The following PIK3C2G variants were observed in gnomAD, a reference collection of about 807,000 sequenced individuals.
PIK3C2G encodes the protein phosphatidylinositol 3-kinase C2 domain-containing subunit gamma.
In PIK3C2G, 168 loss-of-function variants were observed where a neutral mutation model predicts 181.1. The ratio of observed to expected loss-of-function variants is 0.93; its 90% CI spans 0.82 to 1.05. PIK3C2G has a LOEUF of 1.05. PIK3C2G is among the 50% of genes least tolerant of loss of function. The pLI is 0.00. For synonymous variants in PIK3C2G, 573 were observed against 592.2 expected, an observed-to-expected ratio of 0.97 and a Z score of 0.47; for missense variants, 1,869 against 1,732.8, an observed-to-expected ratio of 1.08 and a Z score of -1.40.
the PIK3C2G span, chr12:18,700,078 C>A: frequency 2.7e-6 from 2 of 753,536 alleles, no homozygotes; most frequent in Middle Eastern, 3.9e-4. Flanking sequence ...TCCTCAAACA[C>A]CATTTGATTA....
At chr12:18,485,342 A>G (rs1367229341) in intron 18 of PIK3C2G, among the ~76,000 whole-genome samples, 1 of 152,134 alleles carries the variant, frequency 6.6e-6, no homozygotes, top group Non-Finnish European at 1.5e-5. Flanking sequence ...ATTTTCAAGA[A>G]AAATCTCCAT....
the PIK3C2G span, among the ~76,000 whole-genome samples, chr12:18,655,747 CATG>C: frequency 4.8e-5 from 2 of 41,450 alleles, no homozygotes; most frequent in South Asian, 1.5e-3. Flanking sequence ...CCAACCTTAT[CATG>C]AAAAAAAAAA....
the PIK3C2G span, among the ~76,000 whole-genome samples, chr12:18,705,993 G>A: frequency 2.6e-5 from 4 of 152,006 alleles, no homozygotes; most frequent in African/African-American, 4.8e-5. Flanking sequence ...TTGGGAGGCC[G>A]AGGCGGGTGG....
At chr12:18,621,810 A>G (rs944477461) in intron 31 of PIK3C2G, among the ~76,000 whole-genome samples, 1 of 151,822 alleles carries the variant, frequency 6.6e-6, no homozygotes, top group Non-Finnish European at 1.5e-5. Flanking sequence ...ATGTGAAATG[A>G]AGTACGAGAC....
chr12:18,429,386 G>T (rs1251746375), intron 18 of PIK3C2G, among the ~76,000 whole-genome samples: 1 of 152,106 alleles, frequency 6.6e-6, no homozygotes, highest in Non-Finnish European at 1.5e-5. Flanking sequence ...ACTTGTTACG[G>T]CAGCCACAGG....
chr12:18,687,687 A>T, the PIK3C2G span, among the ~76,000 whole-genome samples: 1 of 152,086 alleles, frequency 6.6e-6, no homozygotes, highest in Non-Finnish European at 1.5e-5. Flanking sequence ...TTAATCTAAA[A>T]TAATTCAAAT....
the PIK3C2G span, chr12:18,696,330 A>ATATATATATATATATATG: frequency 1.8e-5 from 1 of 54,098 alleles, no homozygotes; most frequent in East Asian, 6.3e-4. Flanking sequence ...CACTATATAT[A>ATATATATATATATATATG]TATATATATA....
At chr12:18,567,735 GA>G (rs1218216113) in intron 29 of PIK3C2G, among the ~76,000 whole-genome samples, 1 of 151,972 alleles carries the variant, frequency 6.6e-6, no homozygotes, top group Non-Finnish European at 1.5e-5. Flanking sequence ...TTATGAGTGA[GA>G]AAAACCAAAA....
chr12:18,360,671 G>A (rs544296984), intron 11 of PIK3C2G, among the ~76,000 whole-genome samples: 21 of 152,022 alleles, frequency 1.4e-4, no homozygotes, highest in Non-Finnish European at 2.2e-4. Context: ...TTCTTTCAGC[G>A]TATTGAATAT....
intron 1 of PIK3C2G, among the ~76,000 whole-genome samples, chr12:18,250,590 C>T (rs1948086532): frequency 6.6e-6 from 1 of 152,008 alleles, no homozygotes; most frequent in African/African-American, 2.4e-5. Flanking sequence ...TCCAAGTTAA[C>T]TGCAATTCTA....
intron 28 of PIK3C2G, among the ~76,000 whole-genome samples, chr12:18,564,946 A>G (rs1053970623): frequency 3.3e-5 from 5 of 152,148 alleles, no homozygotes; most frequent in Admixed American, 2.0e-4. Context: ...AAATTCTAAT[A>G]ATCTATCTCA....
chr12:18,468,129 T>C (rs142413967), intron 18 of PIK3C2G, among the ~76,000 whole-genome samples: 11 of 152,118 alleles, frequency 7.2e-5, no homozygotes, highest in Admixed American at 3.9e-4. Flanking sequence ...CTGATCTCAC[T>C]TCACAAAAAT....
the PIK3C2G span, among the ~76,000 whole-genome samples, chr12:18,655,464 T>C: frequency 6.6e-6 from 1 of 152,174 alleles, no homozygotes; most frequent in South Asian, 2.1e-4. Flanking sequence ...TCCTAATTAT[T>C]TATGGAGATG....
chr12:18,424,040 G>C lies in PIK3C2G; in HGVS notation c.2504+1G>C, dbSNP rs755826153. 1 of 1,596,226 alleles carries C rather than the reference G, an allele frequency of 6.3e-7. No individual in the cohort carries two copies. The highest frequency in any genetic ancestry group is 2.2e-5 in the East Asian group (1 of 44,662). On this transcript the variant is annotated splice_donor_variant, in intron 18 of 32. Transcript: ENST00000538779. LOFTEE classifies it high-confidence loss of function. Reference sequence around the variant, plus strand: ...TCCAGGTTGCCCATCGTCTTTACTGGTAAGATTAACTAAATCAGGCAAGGA... The same window carrying C: ...TCCAGGTTGCCCATCGTCTTTACTGCTAAGATTAACTAAATCAGGCAAGGA...
chr12:18,595,751 T>C (rs540792546), intron 30 of PIK3C2G, among the ~76,000 whole-genome samples: 33 of 152,262 alleles, frequency 2.2e-4, no homozygotes, highest in African/African-American at 7.9e-4. Context: ...GATTTAATAC[T>C]CTGCTGCCAC....
chr12:18,585,835 G>T (rs568703299), intron 29 of PIK3C2G, among the ~76,000 whole-genome samples: 66 of 152,172 alleles, frequency 4.3e-4, no homozygotes, highest in African/African-American at 1.4e-3. Context: ...TAACCAGAAT[G>T]ATACCAAACA....
chr12:18,526,813 T>C (rs2136201182), intron 24 of PIK3C2G, among the ~76,000 whole-genome samples: 2 of 152,244 alleles, frequency 1.3e-5, no homozygotes, highest in South Asian at 4.1e-4. Context: ...AGAAACAAAG[T>C]TTGTTTTATC....
At chr12:18,720,206 C>T in the PIK3C2G span, among the ~76,000 whole-genome samples, 1 of 151,950 alleles carries the variant, frequency 6.6e-6, no homozygotes, top group Non-Finnish European at 1.5e-5. Context: ...TGCTCATTCC[C>T]ATTACTTTAC....
At chr12:18,423,017 G>A (rs1945575856) in intron 17 of PIK3C2G, among the ~76,000 whole-genome samples, 1 of 151,808 alleles carries the variant, frequency 6.6e-6, no homozygotes, top group Non-Finnish European at 1.5e-5. Context: ...CCATTCTTGA[G>A]GATGGCTAGC....
Sources: gnomAD v4.1 joint callset for allele counts (sites outside exome capture counted in the v4.1 genomes callset) on GRCh38, gnomAD v4.1.1 for gene constraint, MANE v1.5 for transcripts, NCBI Gene and HGNC (gene_info 2026-07-23, HGNC 2026-07-21) for gene names.